The following PTPRT variants were observed in gnomAD, a reference collection of about 807,000 sequenced individuals.
The protein encoded by PTPRT is protein tyrosine phosphatase receptor type T, also known as receptor-type tyrosine-protein phosphatase T.
Under a neutral mutation model 176.8 loss-of-function variants are expected in PTPRT, and 56 were observed. The ratio of observed to expected loss-of-function variants is 0.32; its 90% CI spans 0.26 to 0.40. The LOEUF (loss-of-function observed/expected upper bound fraction) is 0.40, where lower values mean the gene tolerates loss of function less well. Ranked by LOEUF, PTPRT falls within the 10% of genes least tolerant of loss-of-function variation. The probability of loss-of-function intolerance (pLI) is 1.00; values close to 1 mark genes in which losing one functional copy is unlikely to be tolerated. For missense variants in PTPRT, 1,540 were observed against 1,908.2 expected (o/e 0.81, Z 3.60); for synonymous variants, 783 against 739.0 (o/e 1.06, Z -0.96).
chr20:42,445,648 A>G (rs797014141), intron 9 of PTPRT, among the ~76,000 whole-genome samples: 7 of 152,286 alleles, frequency 4.6e-5, no homozygotes, highest in African/African-American at 1.4e-4. Context: ...CTTACAAACA[A>G]CTCAACCAGT....
At chr20:42,806,118 A>G (rs556298171) in intron 2 of PTPRT, among the ~76,000 whole-genome samples, 36 of 151,866 alleles carry the variant, frequency 2.4e-4, no homozygotes, top group Admixed American at 6.6e-4. Flanking sequence ...CTCATTTCCT[A>G]AAGTGCATCC....
intron 1 of PTPRT, among the ~76,000 whole-genome samples, chr20:43,012,132 T>C (rs775695058): frequency 6.6e-6 from 1 of 152,206 alleles, no homozygotes; most frequent in Non-Finnish European, 1.5e-5. Flanking sequence ...CTTGTGACCA[T>C]GTGAGTCAAT....
intron 9 of PTPRT, among the ~76,000 whole-genome samples, chr20:42,412,370 C>G (rs769984640): frequency 2.0e-4 from 30 of 152,180 alleles, no homozygotes; most frequent in Admixed American, 7.2e-4. Flanking sequence ...TAATCACTTA[C>G]ACACTCACCT....
At chr20:42,962,145 C>T (rs1161507448) in intron 1 of PTPRT, among the ~76,000 whole-genome samples, 1 of 152,208 alleles carries the variant, frequency 6.6e-6, no homozygotes, top group African/African-American at 2.4e-5. Context: ...GAAACTAATA[C>T]AGGTAATGTA....
At chr20:42,703,564 C>T (rs993062112) in intron 6 of PTPRT, among the ~76,000 whole-genome samples, 1 of 152,176 alleles carries the variant, frequency 6.6e-6, no homozygotes, top group Non-Finnish European at 1.5e-5. Context: ...CCAACTGATG[C>T]TCCTCTTTCT....
At chr20:42,967,212 G>A (rs1384794488) in intron 1 of PTPRT, among the ~76,000 whole-genome samples, 2 of 152,178 alleles carry the variant, frequency 1.3e-5, no homozygotes, top group Admixed American at 6.5e-5. Flanking sequence ...CAGAAGATAA[G>A]TCCATCTCCT....
intron 2 of PTPRT, among the ~76,000 whole-genome samples, chr20:42,812,858 T>C (rs1352435271): frequency 6.6e-6 from 1 of 152,122 alleles, no homozygotes; most frequent in African/African-American, 2.4e-5. Flanking sequence ...TAATTTGTTA[T>C]TGTTGTTATA....
At chr20:42,458,816 T>C (rs2070967702) in intron 8 of PTPRT, among the ~76,000 whole-genome samples, 1 of 152,200 alleles carries the variant, frequency 6.6e-6, no homozygotes, top group Non-Finnish European at 1.5e-5. Context: ...TCAGAATTCA[T>C]TCGTTCAATA....
intron 7 of PTPRT, among the ~76,000 whole-genome samples, chr20:42,631,525 G>C (rs890524416): frequency 7.9e-5 from 12 of 152,204 alleles, no homozygotes; most frequent in African/African-American, 2.9e-4. Flanking sequence ...GGGGAAGTTA[G>C]CAGGAATGGG....
the PTPRT span, among the ~76,000 whole-genome samples, chr20:42,062,886 G>A: frequency 6.6e-6 from 1 of 152,148 alleles, no homozygotes; most frequent in African/African-American, 2.4e-5. Context: ...TATGCTGCCT[G>A]TGTCTCAGGG....
intron 2 of PTPRT, among the ~76,000 whole-genome samples, chr20:42,856,680 G>A (rs911647564): frequency 6.6e-6 from 1 of 151,970 alleles, no homozygotes; most frequent in Non-Finnish European, 1.5e-5. Flanking sequence ...TCCTGAACAT[G>A]TGACGGCACA....
chr20:42,837,513 C>A (rs1023095872), intron 2 of PTPRT, among the ~76,000 whole-genome samples: 1 of 152,286 alleles, frequency 6.6e-6, no homozygotes, highest in African/African-American at 2.4e-5. Flanking sequence ...AGGGAAGGAC[C>A]AATCTCGGGC....
chr20:42,898,855 A>T (rs535020410), intron 1 of PTPRT, among the ~76,000 whole-genome samples: 32 of 152,240 alleles, frequency 2.1e-4, no homozygotes, highest in African/African-American at 7.5e-4. Context: ...CAACCTGCCG[A>T]GGAGAGGCTG....
intron 7 of PTPRT, among the ~76,000 whole-genome samples, chr20:42,565,447 G>A (rs1229919852): frequency 1.3e-5 from 2 of 151,996 alleles, no homozygotes; most frequent in Non-Finnish European, 2.9e-5. Flanking sequence ...TGCCTCTGAT[G>A]CACACACGTT....
chr20:42,340,360 T>C lies in PTPRT; in HGVS notation c.1865+10268A>G, dbSNP rs144012424. On this transcript the variant is annotated intron_variant, in intron 11 of 30. Coordinates refer to ENST00000373187, the MANE Select transcript of PTPRT (RefSeq NM_007050.6). Reference sequence around the variant, plus strand: ...AATTCTTCGTAAGCCTATACCTAAGTGGAAATGCACTAAATAGCAAACCCT... The same window carrying C: ...AATTCTTCGTAAGCCTATACCTAAGCGGAAATGCACTAAATAGCAAACCCT... Among the ~76,000 whole-genome samples the C allele has an allele frequency of 2.9e-3, 442 of 152,282 alleles. 1 individual carries two copies. Among genetic ancestry groups the C allele is most frequent in the African/African-American group, 9.8e-3 (406 of 41,564 alleles).
At chr20:43,085,481 C>T (rs1024551883) in intron 1 of PTPRT, among the ~76,000 whole-genome samples, 5 of 152,288 alleles carry the variant, frequency 3.3e-5, no homozygotes, top group African/African-American at 9.6e-5. Flanking sequence ...TTAGTCTGTT[C>T]TCAGCTCCTA....
At chr20:43,062,012 T>A (rs981984163) in intron 1 of PTPRT, among the ~76,000 whole-genome samples, 3 of 152,208 alleles carry the variant, frequency 2.0e-5, no homozygotes. Context: ...CAGTACATAC[T>A]GCATGTTTCC....
intron 1 of PTPRT, among the ~76,000 whole-genome samples, chr20:43,050,069 TG>T (rs1407988686): frequency 6.6e-6 from 1 of 152,236 alleles, no homozygotes; most frequent in Non-Finnish European, 1.5e-5. Context: ...GTGGGAGTGC[TG>T]GGTGGCTGAC....
chr20:42,806,435 G>A (rs530432756), intron 2 of PTPRT, among the ~76,000 whole-genome samples: 5 of 143,890 alleles, frequency 3.5e-5, no homozygotes, highest in Non-Finnish European at 7.5e-5. Context: ...AGTGAGCCAA[G>A]ATTGAGCCAC....
Sources: gnomAD v4.1 joint callset for allele counts (sites outside exome capture counted in the v4.1 genomes callset) on GRCh38, gnomAD v4.1.1 for gene constraint, MANE v1.5 for transcripts, NCBI Gene and HGNC (gene_info 2026-07-23, HGNC 2026-07-21) for gene names.